The following USP8 variants were observed in gnomAD, a reference collection of about 807,000 sequenced individuals.
USP8 encodes the protein ubiquitin specific peptidase 8.
Under a neutral mutation model 130.0 loss-of-function variants are expected in USP8, and 27 were observed. That is an observed-to-expected ratio of 0.21 (90% CI 0.15 to 0.29). The LOEUF (loss-of-function observed/expected upper bound fraction) is 0.29, where lower values mean the gene tolerates loss of function less well. Ranked by LOEUF, USP8 falls within the 10% of genes least tolerant of loss-of-function variation. The probability of loss-of-function intolerance (pLI) is 1.00; values close to 1 mark genes in which losing one functional copy is unlikely to be tolerated. For synonymous variants in USP8, 392 were observed against 444.1 expected, an observed-to-expected ratio of 0.88 and a Z score of 1.48; for missense variants, 1,029 against 1,312.2, an observed-to-expected ratio of 0.78 and a Z score of 3.33.
chr15:50,441,320 T>G (rs989593696), intron 2 of USP8, 29 bp from the exon 3 acceptor site: 1 of 1,561,014 alleles, frequency 6.4e-7, no homozygotes, highest in African/African-American at 1.4e-5. Context: ...GTCAATTGCT[T>G]TAATTATTAT....
chr15:50,434,166 A>G (rs1274462786), intron 1 of USP8, among the ~76,000 whole-genome samples: 2 of 150,672 alleles, frequency 1.3e-5, no homozygotes, highest in Non-Finnish European at 3.0e-5. Context: ...TCTGTCGCCC[A>G]GACTCCGCTC....
chr15:50,447,299 G>A (rs1178294955), intron 3 of USP8, among the ~76,000 whole-genome samples: 1 of 152,160 alleles, frequency 6.6e-6, no homozygotes, highest in Non-Finnish European at 1.5e-5. Context: ...GGAGTTCAGT[G>A]GCACTGTCTC....
At position 50,500,900 on chromosome 15, in the gene USP8, A is replaced by ATGAT. The variant is rs1355377456; in HGVS notation, c.*1813_*1816dup. ...ATGAACACTAACTACTGGAACAGAA[A>ATGAT]TGATAGGGCCAAGAGATGCTTTTTA... On this transcript the variant is annotated 3_prime_UTR_variant, in exon 20 of 20. Transcript: ENST00000307179. The ATGAT allele has an allele frequency of 9.4e-6, 12 of 1,277,306 alleles. No individual in the cohort carries two copies. Among genetic ancestry groups the ATGAT allele is most frequent in the East Asian group, 5.0e-5 (2 of 39,628 alleles). 79.1% of individuals were successfully genotyped at this position (1,277,306 alleles called of 1,614,324 possible). A position where few individuals can be genotyped will look rare whatever the true frequency, so the allele number is the denominator to read the frequency against.
At chr15:50,438,596 T>C (rs2141253192) in intron 1 of USP8, among the ~76,000 whole-genome samples, 1 of 151,926 alleles carries the variant, frequency 6.6e-6, no homozygotes, top group South Asian at 2.1e-4. Context: ...AATAAATAAA[T>C]AAATAAGAGG....
chr15:50,472,914 C>T (rs546933277), intron 8 of USP8, among the ~76,000 whole-genome samples: 1 of 152,172 alleles, frequency 6.6e-6, no homozygotes, highest in East Asian at 1.9e-4. Flanking sequence ...GTGTCTTACA[C>T]ACACACAAAA....
At position 50,490,446 on chromosome 15, in the gene USP8, T is replaced by A. The variant is rs747160985; in HGVS notation, c.2155T>A (p.Ser719Thr). ...TTCCAAACTGAAGCGCTCCTACTCC[T>A]CCCCAGATATAACCCAGGCTATTCA... ...EPSKLKRSYS[S>T]PDITQAIQEE... is the part of the protein sequence containing the mutation. Residue 719 changes from serine (S) to threonine (T), a missense_variant, in exon 14 of 20, where the codon TCC becomes ACC. Physicochemically the swap from Ser to Thr is moderately conservative, Grantham distance 58. Around this residue, in one of 4 missense-constraint regions of USP8, gnomAD observed 486 missense variants for 522.0 expected, o/e 0.93. Coordinates refer to ENST00000307179, the MANE Select transcript of USP8 (RefSeq NM_005154.5). 6.2e-7 allele frequency: 1 copy of A among 1,614,132 alleles called. No homozygotes were observed. Among genetic ancestry groups the A allele is most frequent in the Non-Finnish European group, 8.5e-7 (1 of 1,180,010 alleles).
chr15:50,469,164 G>A (rs1302274769), intron 7 of USP8, among the ~76,000 whole-genome samples: 3 of 151,872 alleles, frequency 2.0e-5, no homozygotes, highest in Non-Finnish European at 4.4e-5. Flanking sequence ...TGAATATAGC[G>A]CAATTTACTT....
At position 50,510,225 on chromosome 15, in the gene USP8, T is replaced by A. The variant is rs1042248720; in HGVS notation, c.*11137T>A. On this transcript the variant is annotated 3_prime_UTR_variant, in exon 20 of 20. Coordinates refer to ENST00000307179, the MANE Select transcript of USP8 (RefSeq NM_005154.5). Reference sequence around the variant, plus strand: ...ATGCAGAAAAATGAAATTGAATCCCTAATTTATACTACATTTTTGTCAGAA... The same window carrying A: ...ATGCAGAAAAATGAAATTGAATCCCAAATTTATACTACATTTTTGTCAGAA... 6.6e-6 allele frequency: 1 copy of A among 152,212 alleles called. No homozygotes were observed. The highest frequency in any genetic ancestry group is 1.5e-5 in the Non-Finnish European group (1 of 68,038). The allele number at this position is 152,212 out of a possible 1,614,324, so 9.4% of individuals were successfully genotyped here.
At chr15:50,434,260 G>A (rs560463051) in intron 1 of USP8, among the ~76,000 whole-genome samples, 22 of 151,342 alleles carry the variant, frequency 1.5e-4, no homozygotes, top group Middle Eastern at 3.5e-3. Context: ...GCGCCACCAC[G>A]TCCGGCTAAT....
chr15:50,438,930 A>G (rs2050164586), intron 1 of USP8, 79 bp from the exon 2 acceptor site: 2 of 577,760 alleles, frequency 3.5e-6, no homozygotes, highest in African/African-American at 3.9e-5. Flanking sequence ...GATATGGTTT[A>G]GGAATTTTTT....
rs1320970865 is a variant in USP8, at chr15:50,507,276, C to G, written c.*8188C>G. The G allele has an allele frequency of 6.6e-6, 1 of 152,476 alleles. No individual in the cohort carries two copies. The highest frequency in any genetic ancestry group is 1.9e-4 in the East Asian group (1 of 5,200). 9.4% of individuals were successfully genotyped at this position (152,476 alleles called of 1,614,324 possible). A position where few individuals can be genotyped will look rare whatever the true frequency, so the allele number is the denominator to read the frequency against. On this transcript the variant is annotated 3_prime_UTR_variant, in exon 20 of 20. Transcript: ENST00000307179. ...CCAGCCTGGGGCACAGAGTGAGACT[C>G]TGTCTCTAAAACAAAACAACAACAA...
At position 50,500,563 on chromosome 15, in the gene USP8, A is replaced by G; in HGVS notation, c.*1475A>G. The G allele has an allele frequency of 4.0e-6, 2 of 502,844 alleles. No homozygotes were observed. Among genetic ancestry groups the G allele is most frequent in the East Asian group, 6.4e-5 (2 of 31,100 alleles). The allele number at this position is 502,844 out of a possible 1,614,324, so 31.1% of individuals were successfully genotyped here. On this transcript the variant is annotated 3_prime_UTR_variant, in exon 20 of 20. Transcript: ENST00000307179. Reference sequence around the variant, plus strand: ...GCATAAAAATGTTAATGATGCAAGTAAGTTCTAAGAGTTTAATGACCAAGC... The same window carrying G: ...GCATAAAAATGTTAATGATGCAAGTGAGTTCTAAGAGTTTAATGACCAAGC...
intron 4 of USP8, among the ~76,000 whole-genome samples, chr15:50,450,496 G>A (rs1442726185): frequency 1.8e-5 from 2 of 108,636 alleles, no homozygotes; most frequent in Non-Finnish European, 3.6e-5. Context: ...TGGAGACGGA[G>A]TTTTGCCTCT....
At chr15:50,493,851 G>C in intron 15 of USP8, 2 of 689,992 alleles carry the variant, frequency 2.9e-6, no homozygotes, top group Non-Finnish European at 5.3e-6. Flanking sequence ...TTGATGATGA[G>C]GAGACCATGC....
At chr15:50,493,636 TTGGGAGGCTAAGG>T (rs1273105386) in intron 15 of USP8, 1 of 387,174 alleles carries the variant, frequency 2.6e-6, no homozygotes, top group East Asian at 6.8e-5. Flanking sequence ...TCCCTGCTAC[TTGGGAGGCTAAGG>T]TGGGAGGATC....
chr15:50,460,985 T>A (rs1014811027), intron 5 of USP8, among the ~76,000 whole-genome samples: 3 of 150,938 alleles, frequency 2.0e-5, no homozygotes, highest in African/African-American at 7.3e-5. Flanking sequence ...GGAAAAACCC[T>A]GTCTCTACAA....
chr15:50,496,499 AAC>A (rs1247386130), intron 17 of USP8, among the ~76,000 whole-genome samples: 2 of 151,414 alleles, frequency 1.3e-5, no homozygotes, highest in African/African-American at 4.9e-5. Context: ...AAAAAAAAAA[AAC>A]CTTTTATCAG....
chr15:50,495,948 C>T lies in USP8; in HGVS notation c.2759C>T (p.Ser920Phe). ...AWQKHKQLNESIIVALFQGQF... is the reference protein window; with the variant it reads ...AWQKHKQLNEFIIVALFQGQF... ...CAGAAACACAAGCAGCTCAATGAGT[C>T]TATTATTGTTGCACTTTTTCAGGGT... The change falls in exon 17 of 20, where the codon TCT (serine) becomes TTT (phenylalanine). Residue 920 changes from serine to phenylalanine, a missense_variant. By Grantham distance (155) the Ser-to-Phe change is radical. Around this residue, in one of 4 missense-constraint regions of USP8, gnomAD observed 257 missense variants for 429.8 expected, o/e 0.60. Transcript: ENST00000307179. The T allele has an allele frequency of 6.2e-7, 1 of 1,613,764 alleles. No homozygotes were observed. Among genetic ancestry groups the T allele is most frequent in the Non-Finnish European group, 8.5e-7 (1 of 1,179,996 alleles).
intron 13 of USP8, 93 bp downstream of exon 13, chr15:50,489,974 C>A: frequency 9.4e-7 from 1 of 1,064,206 alleles, no homozygotes; most frequent in Non-Finnish European, 1.3e-6. Context: ...AGAGTCAATT[C>A]CATTTCTCCA....
Sources: allele counts gnomAD v4.1 joint callset (sites outside exome capture counted in the v4.1 genomes callset), GRCh38; gene constraint gnomAD v4.1.1; regional missense constraint gnomAD v4.1.1; transcripts MANE v1.5; gene names NCBI Gene and HGNC (gene_info 2026-07-23, HGNC 2026-07-21).